Variants in OXR1 observed in about 807,000 individuals in gnomAD.
The protein encoded by OXR1 is oxidation resistance protein 1.
OXR1 carries 41 observed loss-of-function variants against 104.6 expected under a neutral mutation model. That is an observed-to-expected ratio of 0.39 (90% confidence interval 0.31 to 0.51). OXR1 has a LOEUF of 0.51. OXR1 is among the 20% of genes least tolerant of loss of function. The probability of loss-of-function intolerance (pLI) is 0.77; values close to 1 mark genes in which losing one functional copy is unlikely to be tolerated. For synonymous variants in OXR1, 348 were observed against 348.4 expected (o/e 1.00, Z 0.01); for missense variants, 955 against 1,031.9 (o/e 0.93, Z 1.02).
At chr8:106,284,804 C>CTT (rs11413431) in intron 1 of OXR1, among the ~76,000 whole-genome samples, 11 of 151,312 alleles carry the variant, frequency 7.3e-5, no homozygotes, top group African/African-American at 1.9e-4. Context: ...TAACCTCAAT[C>CTT]TTTTTTTAAA....
At chr8:106,337,275 G>T (rs563056733) in intron 1 of OXR1, among the ~76,000 whole-genome samples, 4 of 152,168 alleles carry the variant, frequency 2.6e-5, no homozygotes, top group African/African-American at 9.6e-5. Flanking sequence ...AGATGATATG[G>T]GCTTACTGAC....
chr8:106,730,983 C>G (rs1242394322), intron 11 of OXR1, among the ~76,000 whole-genome samples: 1 of 152,144 alleles, frequency 6.6e-6, no homozygotes, highest in Non-Finnish European at 1.5e-5. Flanking sequence ...TGCATGGCAT[C>G]CACAACAAAT....
intron 2 of OXR1, among the ~76,000 whole-genome samples, chr8:106,511,951 C>T (rs1812560038): frequency 6.6e-6 from 1 of 152,134 alleles, no homozygotes; most frequent in Admixed American, 6.6e-5. Flanking sequence ...TTGTTGTGAT[C>T]AGTAAATGAA....
At chr8:106,343,343 C>T (rs958975632) in intron 1 of OXR1, among the ~76,000 whole-genome samples, 1 of 152,124 alleles carries the variant, frequency 6.6e-6, no homozygotes, top group Non-Finnish European at 1.5e-5. Flanking sequence ...ATGTCCAGAT[C>T]GCTTAAGCAA....
rs868265497 is a variant in OXR1 at position 106,561,444 on chromosome 8, G to C, written c.220+42305G>C. Among the ~76,000 whole-genome samples the C allele has an allele frequency of 5.9e-5, 9 of 152,270 alleles. No homozygotes were observed. The South Asian group carries it at 1.9e-3, about 32-fold the overall frequency. ...TCTCTAGATTCCTTCTCTCTGGGCA[G>C]GTCATCTCTGAAAGAAAGGCAGCAG... On this transcript the variant is annotated intron_variant, in intron 3 of 16. Transcript: ENST00000517566.
intron 2 of OXR1, among the ~76,000 whole-genome samples, chr8:106,458,641 C>T (rs1400272948): frequency 3.3e-5 from 5 of 152,058 alleles, no homozygotes; most frequent in Non-Finnish European, 7.4e-5. Flanking sequence ...GAACTGGAGG[C>T]ATGAGACTCT....
At chr8:106,553,331 T>C (rs1031000755) in intron 3 of OXR1, among the ~76,000 whole-genome samples, 1 of 151,678 alleles carries the variant, frequency 6.6e-6, no homozygotes, top group East Asian at 1.9e-4. Context: ...TTTTTTTTTT[T>C]TTTTCCAGAC....
At chr8:106,319,768 C>G (rs1237232715) in intron 1 of OXR1, among the ~76,000 whole-genome samples, 1 of 152,126 alleles carries the variant, frequency 6.6e-6, no homozygotes, top group Admixed American at 6.6e-5. Context: ...GGAATAAAGG[C>G]GATTCTTTAT....
chr8:106,320,139 A>G (rs1814154545), intron 1 of OXR1, among the ~76,000 whole-genome samples: 1 of 152,168 alleles, frequency 6.6e-6, no homozygotes, highest in African/African-American at 2.4e-5. Context: ...CTGAAGTCGT[A>G]TCTAAGTGCT....
At chr8:106,532,627 T>C (rs1586769029) in intron 3 of OXR1, among the ~76,000 whole-genome samples, 1 of 152,156 alleles carries the variant, frequency 6.6e-6, no homozygotes, top group East Asian at 1.9e-4. Flanking sequence ...AAGCAAAAGA[T>C]TCCAGACAGA....
intron 2 of OXR1, among the ~76,000 whole-genome samples, chr8:106,382,571 G>T (rs934196538): frequency 2.0e-5 from 3 of 151,834 alleles, no homozygotes; most frequent in Non-Finnish European, 4.4e-5. Context: ...GCTTGGTGTG[G>T]ACCCTGATTA....
intron 3 of OXR1, among the ~76,000 whole-genome samples, chr8:106,636,418 G>A (rs1041504077): frequency 6.6e-6 from 1 of 151,970 alleles, no homozygotes; most frequent in African/African-American, 2.4e-5. Context: ...ATTTGTGCTA[G>A]TATGTCTTAT....
intron 3 of OXR1, chr8:106,581,219 A>C (rs1008708447): frequency 5.4e-6 from 7 of 1,287,944 alleles, no homozygotes; most frequent in Non-Finnish European, 7.1e-6. Flanking sequence ...CTGAATTCCA[A>C]GGAAATATGC....
At chr8:106,671,044 CAAAAAAAAAAAAAAA>C (rs60404483) in intron 3 of OXR1, among the ~76,000 whole-genome samples, 1 of 48,926 alleles carries the variant, frequency 2.0e-5, no homozygotes, top group Non-Finnish European at 3.5e-5. Flanking sequence ...GACTCTGTCT[CAAAAAAAAAAAAAAA>C]AAAAGAATGG....
chr8:106,695,202 T>C (rs1029475077), intron 7 of OXR1, among the ~76,000 whole-genome samples: 71 of 151,342 alleles, frequency 4.7e-4, no homozygotes, highest in African/African-American at 1.6e-3. Context: ...GGGTAAAGTC[T>C]ATTATATTTA....
At chr8:106,468,557 A>C (rs1439496294) in intron 2 of OXR1, among the ~76,000 whole-genome samples, 1 of 151,836 alleles carries the variant, frequency 6.6e-6, no homozygotes, top group Non-Finnish European at 1.5e-5. Context: ...AGAGTGAACA[A>C]GGGTAAGATT....
intron 11 of OXR1, among the ~76,000 whole-genome samples, chr8:106,723,488 C>T (rs1323985522): frequency 7.2e-6 from 1 of 139,654 alleles, no homozygotes; most frequent in South Asian, 2.3e-4. Flanking sequence ...ACAGAGCAAG[C>T]CTCTGTCTCA....
chr8:106,463,849 T>C (rs1821037486), intron 2 of OXR1, among the ~76,000 whole-genome samples: 1 of 152,130 alleles, frequency 6.6e-6, no homozygotes, highest in South Asian at 2.1e-4. Flanking sequence ...TGCTATATTA[T>C]GGAATCCTGA....
At chr8:106,699,770 A>T (rs1830423922) in intron 7 of OXR1, among the ~76,000 whole-genome samples, 1 of 152,214 alleles carries the variant, frequency 6.6e-6, no homozygotes, top group African/African-American at 2.4e-5. Flanking sequence ...ACAAAAGGAG[A>T]TAAGCAGGAA....
Sources: gnomAD v4.1 joint callset for allele counts (sites outside exome capture counted in the v4.1 genomes callset) on GRCh38, gnomAD v4.1.1 for gene constraint, MANE v1.5 for transcripts, NCBI Gene and HGNC (gene_info 2026-07-23, HGNC 2026-07-21) for gene names.